The following ZNF536 variants were observed in gnomAD, a reference collection of about 807,000 sequenced individuals.
ZNF536 encodes the protein zinc finger protein 536.
Under a neutral mutation model 84.5 loss-of-function variants are expected in ZNF536, and 13 were observed. The ratio of observed to expected loss-of-function variants is 0.15; its 90% CI spans 0.10 to 0.24. ZNF536 has a LOEUF of 0.24. Among genes scored for constraint, ZNF536 ranks in the 10% least tolerant of loss-of-function variants. The pLI, the probability that ZNF536 is intolerant of heterozygous loss-of-function variation, is 1.00. For missense variants in ZNF536, 1,536 were observed against 1,747.5 expected (o/e 0.88, Z 2.16); for synonymous variants, 811 against 742.5 (o/e 1.09, Z -1.50).
At chr19:30,397,716 G>T (rs1379539579) in intron 1 of ZNF536, among the ~76,000 whole-genome samples, 1 of 152,136 alleles carries the variant, frequency 6.6e-6, no homozygotes, top group Non-Finnish European at 1.5e-5. Flanking sequence ...TTCAGTACTA[G>T]AAGCCAAACT....
intron 2 of ZNF536, among the ~76,000 whole-genome samples, chr19:30,471,068 AC>A (rs2053614686): frequency 6.8e-6 from 1 of 147,456 alleles, no homozygotes; most frequent in African/African-American, 2.5e-5. Context: ...CAATCCTCCC[AC>A]CTCGTCCTCC....
chr19:30,400,650 C>T lies in ZNF536; in HGVS notation c.-3+28094C>T, dbSNP rs575354422. Among the ~76,000 whole-genome samples, 4 of 152,290 alleles carry T rather than the reference C, an allele frequency of 2.6e-5. No individual in the cohort carries two copies. The East Asian group carries it at 5.8e-4, about 22-fold the overall frequency. On this transcript the variant is annotated intron_variant, in intron 1 of 4. Transcript: ENST00000355537. ...TGTCATAGCTCATTGCAGCCTTCAA[C>T]TCCTGGCCTCAAGTGATCCTCCCAC...
intron 1 of ZNF536, among the ~76,000 whole-genome samples, chr19:30,381,587 A>G (rs2049024044): frequency 6.6e-6 from 1 of 152,190 alleles, no homozygotes; most frequent in Non-Finnish European, 1.5e-5. Context: ...TTGGGGCTGG[A>G]GCATGAGGGA....
chr19:30,433,566 C>T (rs925886946), intron 1 of ZNF536, among the ~76,000 whole-genome samples: 1 of 152,192 alleles, frequency 6.6e-6, no homozygotes, highest in Non-Finnish European at 1.5e-5. Flanking sequence ...GGCGCGATCT[C>T]GGTTCACCAC....
In ZNF536 at chr19:30,547,910, G is replaced by T. The variant is rs747331524; in HGVS notation, c.2324-33G>T. 6.0e-6 allele frequency: 9 copies of T among 1,510,940 alleles called. No individual in the cohort carries two copies. The South Asian group carries it at 1.1e-4, about 18-fold the overall frequency. The allele number at this position is 1,510,940 out of a possible 1,614,324, so 93.6% of individuals were successfully genotyped here. The stretch of plus-strand genomic sequence containing the variant: ...TTCAGCACACCAAAATGAGATAAAC[G>T]CCTCTTTTTTTTCTTATATCAAAAT... On this transcript the variant is annotated intron_variant, in intron 3 of 4. Coordinates refer to ENST00000355537, the MANE Select transcript of ZNF536 (RefSeq NM_014717.3).
At chr19:30,703,052 C>A (rs1278579421) in intron 1 of ZNF536, among the ~76,000 whole-genome samples, 2 of 152,108 alleles carry the variant, frequency 1.3e-5, no homozygotes, top group Non-Finnish European at 2.9e-5. Context: ...TGGTGGCAGG[C>A]CTGGGGTCAT....
chr19:30,579,228 T>TA (rs1319829383), intron 1 of ZNF536, among the ~76,000 whole-genome samples: 3 of 152,198 alleles, frequency 2.0e-5, no homozygotes, highest in Non-Finnish European at 4.4e-5. Context: ...ATCGAATGAC[T>TA]AATGGGTTTT....
intron 1 of ZNF536, among the ~76,000 whole-genome samples, chr19:30,438,740 G>A (rs1177311796): frequency 2.6e-5 from 4 of 152,102 alleles, no homozygotes; most frequent in African/African-American, 7.2e-5. Context: ...GCAGTGGTAC[G>A]GATCATAGCT....
At position 30,526,640 on chromosome 19, in the gene ZNF536, C is replaced by T. The variant is rs1424655036; in HGVS notation, c.2171-8207C>T. 3.2e-5 allele frequency among the ~76,000 whole-genome samples: 4 copies of T among 125,968 alleles called. 1 individual carries two copies. Among genetic ancestry groups the T allele is most frequent in the Non-Finnish European group, 5.6e-5 (3 of 53,100 alleles). 82.6% of individuals were successfully genotyped at this position (125,968 alleles called of 152,430 possible). A position where few individuals can be genotyped will look rare whatever the true frequency, so the allele number is the denominator to read the frequency against. On this transcript the variant is annotated intron_variant, in intron 2 of 4. Coordinates refer to ENST00000355537, the MANE Select transcript of ZNF536 (RefSeq NM_014717.3). ...TTGGGAGGCTGAGGCAGGAGAATGG[C>T]GTGAACCCGGGAGGCGGAGCTTGCA...
At chr19:30,682,782 G>T (rs1339885028) in intron 1 of ZNF536, among the ~76,000 whole-genome samples, 2 of 152,072 alleles carry the variant, frequency 1.3e-5, no homozygotes, top group African/African-American at 2.4e-5. Flanking sequence ...AGCACCTCTG[G>T]CCCCGGAGGT....
At chr19:30,656,111 A>G (rs2049902547) in intron 1 of ZNF536, among the ~76,000 whole-genome samples, 1 of 152,092 alleles carries the variant, frequency 6.6e-6, no homozygotes, top group South Asian at 2.1e-4. Context: ...AAATGAGGCA[A>G]GTTTTTGCTT....
intron 1 of ZNF536, among the ~76,000 whole-genome samples, chr19:30,709,470 TAAAG>T (rs1453369633): frequency 2.0e-5 from 3 of 152,230 alleles, no homozygotes; most frequent in East Asian, 1.9e-4. Flanking sequence ...TGCTCAACAA[TAAAG>T]AGTCAACGGG....
At chr19:30,647,869 T>A (rs1246037463) in intron 1 of ZNF536, among the ~76,000 whole-genome samples, 1 of 152,192 alleles carries the variant, frequency 6.6e-6, no homozygotes, top group Admixed American at 6.5e-5. Context: ...GTCTTGAGGC[T>A]TCCCTGACAA....
At chr19:30,646,881 A>C (rs1464418937) in intron 1 of ZNF536, among the ~76,000 whole-genome samples, 3 of 152,142 alleles carry the variant, frequency 2.0e-5, no homozygotes, top group Non-Finnish European at 4.4e-5. Flanking sequence ...TTAATTAAAA[A>C]AACTCAGATC....
chr19:30,482,058 C>G (rs879470714), intron 2 of ZNF536, among the ~76,000 whole-genome samples: 1 of 152,116 alleles, frequency 6.6e-6, no homozygotes, highest in Non-Finnish European at 1.5e-5. Context: ...TTTATACTTT[C>G]GTTGATCAGT....
At chr19:30,307,222 T>A (rs1228480379) in intron 2 of ZNF536, among the ~76,000 whole-genome samples, 1 of 152,136 alleles carries the variant, frequency 6.6e-6, no homozygotes, top group Non-Finnish European at 1.5e-5. Flanking sequence ...AAACACTTGA[T>A]GTTAAAATAA....
chr19:30,651,358 T>G (rs889540249), intron 1 of ZNF536, among the ~76,000 whole-genome samples: 1 of 152,228 alleles, frequency 6.6e-6, no homozygotes, highest in African/African-American at 2.4e-5. Context: ...GTTACTTCTC[T>G]GGTCCTTAAC....
Position 30,443,981 on chromosome 19 carries a change from G to T in ZNF536, c.419G>T (p.Arg140Leu). The T allele has an allele frequency of 6.2e-7, 1 of 1,613,748 alleles. No homozygotes were observed. Among genetic ancestry groups the T allele is most frequent in the Non-Finnish European group, 8.5e-7 (1 of 1,180,020 alleles). The change falls in exon 2 of 5, where the codon CGC (arginine) becomes CTC (leucine). Residue 140 changes from arginine to leucine, a missense_variant. By Grantham distance (102) the Arg-to-Leu change is moderately radical. Transcript: ENST00000355537. Reference sequence around the variant, plus strand: ...TGCCCACTCTGCGGCAAGCGCTTCCGCTTCAACAGCATCCTCTCCCTGCAC... The same window carrying T: ...TGCCCACTCTGCGGCAAGCGCTTCCTCTTCAACAGCATCCTCTCCCTGCAC... Reference protein sequence around the residue: ...YPCPLCGKRFRFNSILSLHMR... With the variant: ...YPCPLCGKRFLFNSILSLHMR...
chr19:30,251,302 A>G (rs2024597312), intron 1 of ZNF536, among the ~76,000 whole-genome samples: 1 of 152,112 alleles, frequency 6.6e-6, no homozygotes, highest in Non-Finnish European at 1.5e-5. Context: ...ACAATGATGA[A>G]ATGATGGTTC....
Sources: allele counts gnomAD v4.1 joint callset (sites outside exome capture counted in the v4.1 genomes callset), GRCh38; gene constraint gnomAD v4.1.1; transcripts MANE v1.5; gene names NCBI Gene and HGNC (gene_info 2026-07-23, HGNC 2026-07-21).